The following NSMAF variants were observed in gnomAD, a reference collection of about 807,000 sequenced individuals.
The protein encoded by NSMAF is protein FAN.
NSMAF carries 90 observed loss-of-function variants against 134.9 expected under a neutral mutation model. The ratio of observed to expected loss-of-function variants is 0.67; its 90% CI spans 0.56 to 0.79. The LOEUF (loss-of-function observed/expected upper bound fraction) is 0.79, where lower values mean the gene tolerates loss of function less well. Ranked by LOEUF, NSMAF falls within the 30% of genes least tolerant of loss-of-function variation. The pLI, the probability that NSMAF is intolerant of heterozygous loss-of-function variation, is 0.00. For synonymous variants in NSMAF, 358 were observed against 389.6 expected, an observed-to-expected ratio of 0.92 and a Z score of 0.96; for missense variants, 1,010 against 1,119.0, an observed-to-expected ratio of 0.90 and a Z score of 1.39.
rs1231587731 is a variant in NSMAF, at chr8:58,603,190, A to T, written c.1045+20T>A. On this transcript the variant is annotated intron_variant, in intron 13 of 30. Transcript: ENST00000038176. ...CTACTCCCCACTCAACTTGGTCAGA[A>T]TTCCACGTGTGGCAGTTACCTAGTT... The T allele has an allele frequency of 1.2e-6, 2 of 1,612,282 alleles. No homozygotes were observed. Among genetic ancestry groups the T allele is most frequent in the South Asian group, 2.2e-5 (2 of 91,024 alleles).
intron 9 of NSMAF, among the ~76,000 whole-genome samples, chr8:58,617,902 G>T (rs913085534): frequency 1.3e-5 from 2 of 152,160 alleles, no homozygotes; most frequent in African/African-American, 2.4e-5. Context: ...CAAAGACTTG[G>T]AACCAACCCA....
chr8:58,598,580 T>G (rs2129140637), intron 19 of NSMAF, among the ~76,000 whole-genome samples: 1 of 151,890 alleles, frequency 6.6e-6, no homozygotes, highest in East Asian at 1.9e-4. Flanking sequence ...CACTGTTCTA[T>G]CACACTGTAA....
At position 58,635,234 on chromosome 8, in the gene NSMAF, C is replaced by G. The variant is rs751749019; in HGVS notation, c.297-9G>C. 1 of 1,611,162 alleles carries G rather than the reference C, an allele frequency of 6.2e-7. No homozygotes were observed. The highest frequency in any genetic ancestry group is 8.5e-7 in the Non-Finnish European group (1 of 1,177,900). On this transcript the variant is annotated splice_polypyrimidine_tract_variant and intron_variant, in intron 4 of 30. Transcript: ENST00000038176. ...TACCCCCAGATTTTGCCCTAAAATA[C>G]AGATAAAAGTCATTAAATATATACA...
chr8:58,635,718 A>G (rs1387279788), intron 2 of NSMAF, among the ~76,000 whole-genome samples, 172 bp from the exon 3 acceptor site: 1 of 152,242 alleles, frequency 6.6e-6, no homozygotes, highest in East Asian at 1.9e-4. Flanking sequence ...CAAAACACAG[A>G]ATAGTGGTTC....
chr8:58,635,389 G>A lies in NSMAF; in HGVS notation c.229-17C>T. The stretch of plus-strand genomic sequence containing the variant: ...CAAAGGAATCTGGATAAAATTGAGA[G>A]AAATATTATAAAAATCAAGAAAGGT... On this transcript the variant is annotated splice_polypyrimidine_tract_variant and intron_variant, in intron 3 of 30. Coordinates refer to ENST00000038176, the MANE Select transcript of NSMAF (RefSeq NM_003580.4). The A allele has an allele frequency of 1.9e-6, 3 of 1,584,770 alleles. No individual in the cohort carries two copies. Among genetic ancestry groups the A allele is most frequent in the African/African-American group, 2.7e-5 (2 of 73,256 alleles).
intron 6 of NSMAF, among the ~76,000 whole-genome samples, chr8:58,630,490 C>A (rs1455827113): frequency 1.3e-5 from 2 of 152,184 alleles, no homozygotes; most frequent in South Asian, 4.2e-4. Context: ...AGGAAGGGCA[C>A]CCCAGGTGAG....
chr8:58,654,813 C>G (rs1007154728), intron 1 of NSMAF, among the ~76,000 whole-genome samples: 1 of 152,088 alleles, frequency 6.6e-6, no homozygotes, highest in East Asian at 1.9e-4. Context: ...CATATCTCAA[C>G]TATCTAAATT....
chr8:58,642,999 C>A lies in NSMAF; in HGVS notation c.134G>T (p.Gly45Val). 6.2e-7 allele frequency: 1 copy of A among 1,613,014 alleles called. No homozygotes were observed. The highest frequency in any genetic ancestry group is 8.5e-7 in the Non-Finnish European group (1 of 1,179,054). The change falls in exon 2 of 31, where the codon GGC becomes GTC. Residue 45 changes from glycine (G) to valine (V), a missense_variant. By Grantham distance (109) the Gly-to-Val change is moderately radical. Transcript: ENST00000038176. ...GCTTCCTTACCTTTCATGGTGACTG[C>A]CCTTGTGCAAAATGTGATTGGCTCT... ...QHRANHILHK[G>V]SHHERKIRGS...
Position 58,623,266 on chromosome 8 carries a change from C to G in NSMAF, c.511G>C (p.Ala171Pro). 5 of 1,608,956 alleles carry G rather than the reference C, an allele frequency of 3.1e-6. No homozygotes were observed. The highest frequency in any genetic ancestry group is 4.2e-6 in the Non-Finnish European group (5 of 1,176,660). The change falls in exon 9 of 31, where the codon GCT (alanine) becomes CCT (proline). Residue 171 changes from alanine (A) to proline (P), a missense_variant. By Grantham distance (27) the Ala-to-Pro change is conservative. Coordinates refer to ENST00000038176, the MANE Select transcript of NSMAF (RefSeq NM_003580.4). ...CTAGCTAAACGAGACTGCAAAATAGCTGTTATCTATTAAAACAGAACCAGA... is the reference window on the plus strand; with the variant it reads ...CTAGCTAAACGAGACTGCAAAATAGGTGTTATCTATTAAAACAGAACCAGA... ...KLGDQTAMITAILQSRLARTS... is the reference protein window; with the variant it reads ...KLGDQTAMITPILQSRLARTS...
intron 16 of NSMAF, among the ~76,000 whole-genome samples, chr8:58,600,506 C>T (rs1806255177): frequency 6.6e-6 from 1 of 151,160 alleles, no homozygotes; most frequent in Non-Finnish European, 1.5e-5. Flanking sequence ...GCCTGTAGTC[C>T]CAGCTACTCA....
intron 9 of NSMAF, among the ~76,000 whole-genome samples, chr8:58,614,500 A>G (rs1806610296): frequency 6.6e-6 from 1 of 152,220 alleles, no homozygotes; most frequent in Non-Finnish European, 1.5e-5. Context: ...GCAAACCTAG[A>G]TAATGGACAT....
At position 58,595,625 on chromosome 8, in the gene NSMAF, G is replaced by A. The variant is rs1314571957; in HGVS notation, c.1827C>T (p.Ser609=). Reference sequence around the variant, plus strand: ...TGATGTTATTCCAGGCCAGTGTTTTGCTTTCTTCGGTCAGGTCTTCAAAAG... The same window carrying A: ...TGATGTTATTCCAGGCCAGTGTTTTACTTTCTTCGGTCAGGTCTTCAAAAG... ...EESFEDLTEE[S]KTLAWNNITK... is the part of the protein sequence containing the mutation. Residue 609 remains serine, a synonymous_variant, in exon 22 of 31, where the codon AGC becomes AGT. Transcript: ENST00000038176. The A allele has an allele frequency of 2.5e-6, 4 of 1,613,892 alleles. No individual in the cohort carries two copies. The South Asian group carries it at 4.4e-5, about 18-fold the overall frequency.
intron 13 of NSMAF, among the ~76,000 whole-genome samples, 182 bp downstream of exon 13, chr8:58,603,028 G>C (rs891602813): frequency 6.6e-6 from 1 of 152,112 alleles, no homozygotes; most frequent in African/African-American, 2.4e-5. Context: ...AAACACTTAC[G>C]TAACACTTAT....
intron 25 of NSMAF, 46 bp downstream of exon 25, chr8:58,589,961 G>T: frequency 6.6e-7 from 1 of 1,514,964 alleles, no homozygotes; most frequent in Non-Finnish European, 9.2e-7. Context: ...CACAGAGGCA[G>T]CTATTCTGCA....
At chr8:58,611,560 G>C (rs935689405) in intron 9 of NSMAF, among the ~76,000 whole-genome samples, 1 of 152,070 alleles carries the variant, frequency 6.6e-6, no homozygotes, top group African/African-American at 2.4e-5. Flanking sequence ...TGAAAAGACA[G>C]AGTTTCAGCA....
chr8:58,594,173 T>A (rs1806080043), intron 23 of NSMAF, 59 bp downstream of exon 23: 1 of 1,471,584 alleles, frequency 6.8e-7, no homozygotes, highest in African/African-American at 1.4e-5. Context: ...AGCTAAATAA[T>A]AAAGAACTCA....
In NSMAF at chr8:58,602,105, T is replaced by C; in HGVS notation, c.1078A>G (p.Ser360Gly). 1 of 1,613,528 alleles carries C rather than the reference T, an allele frequency of 6.2e-7. No homozygotes were observed. The highest frequency in any genetic ancestry group is 1.7e-5 in the Admixed American group (1 of 60,016). Reference sequence around the variant, plus strand: ...TTATTTAGGGCCCCTACTGGCTTACTGAGATCCCGGAAGGTTCCTGGATTT... The same window carrying C: ...TTATTTAGGGCCCCTACTGGCTTACCGAGATCCCGGAAGGTTCCTGGATTT... Reference protein sequence around the residue: ...LSNPGTFRDLSKPVGALNKER... With the variant: ...LSNPGTFRDLGKPVGALNKER... The change falls in exon 14 of 31, where the codon AGT becomes GGT. Residue 360 changes from serine to glycine, a missense_variant. Transcript: ENST00000038176.
At chr8:58,607,722 C>T (rs1806439278) in intron 11 of NSMAF, 47 bp downstream of exon 11, 6 of 1,456,576 alleles carry the variant, frequency 4.1e-6, no homozygotes, top group Non-Finnish European at 5.8e-6. Flanking sequence ...GCTGGCTAAA[C>T]TGAAAGTGTG....
chr8:58,644,823 G>A (rs1344206045), intron 1 of NSMAF, among the ~76,000 whole-genome samples: 1 of 152,174 alleles, frequency 6.6e-6, no homozygotes, highest in East Asian at 1.9e-4. Flanking sequence ...CAGCGACATG[G>A]ATGAAGCTGG....
Sources: allele counts gnomAD v4.1 joint callset (sites outside exome capture counted in the v4.1 genomes callset), GRCh38; gene constraint gnomAD v4.1.1; transcripts MANE v1.5; gene names NCBI Gene and HGNC (gene_info 2026-07-23, HGNC 2026-07-21).